The following KCNJ3 variants were observed in gnomAD, a reference collection of about 807,000 sequenced individuals.
KCNJ3 encodes the protein G protein-activated inward rectifier potassium channel 1.
KCNJ3 carries 4 observed loss-of-function variants against 39.2 expected under a neutral mutation model. That is an observed-to-expected ratio of 0.10 (90% confidence interval 0.05 to 0.23). KCNJ3 has a LOEUF of 0.23. Ranked by LOEUF, KCNJ3 falls within the 10% of genes least tolerant of loss-of-function variation. KCNJ3 has a pLI of 1.00. For synonymous variants in KCNJ3, 230 were observed against 237.4 expected, an observed-to-expected ratio of 0.97 and a Z score of 0.29; for missense variants, 276 against 634.9, an observed-to-expected ratio of 0.43 and a Z score of 6.08.
chr2:154,764,602 G>A (rs575814449), intron 2 of KCNJ3, among the ~76,000 whole-genome samples: 30 of 152,062 alleles, frequency 2.0e-4, no homozygotes, highest in African/African-American at 7.0e-4. Flanking sequence ...TTCTACAGCC[G>A]GTGGTGTCCA....
chr2:154,829,207 GCA>G (rs1687321497), intron 2 of KCNJ3, among the ~76,000 whole-genome samples: 1 of 152,170 alleles, frequency 6.6e-6, no homozygotes, highest in East Asian at 1.9e-4. Flanking sequence ...GGGGTTTAGT[GCA>G]CAGATTATTT....
At chr2:154,842,551 C>T (rs1011229095) in intron 2 of KCNJ3, among the ~76,000 whole-genome samples, 24 of 152,104 alleles carry the variant, frequency 1.6e-4, no homozygotes, top group Non-Finnish European at 2.9e-5. Flanking sequence ...GTTAAAGTCT[C>T]CCATTATTAT....
chr2:154,731,171 A>G (rs1685443152), intron 2 of KCNJ3, among the ~76,000 whole-genome samples: 2 of 152,120 alleles, frequency 1.3e-5, no homozygotes, highest in Non-Finnish European at 2.9e-5. Flanking sequence ...AAAGGCTTGA[A>G]GGAGTGATAC....
At chr2:154,801,505 T>C (rs115900017) in intron 2 of KCNJ3, among the ~76,000 whole-genome samples, 7 of 96,398 alleles carry the variant, frequency 7.3e-5, no homozygotes, top group Admixed American at 3.1e-4. Flanking sequence ...CTTTTCTTTT[T>C]TCTTTTCTTT....
At chr2:154,824,200 T>C (rs899600023) in intron 2 of KCNJ3, among the ~76,000 whole-genome samples, 4 of 152,050 alleles carry the variant, frequency 2.6e-5, no homozygotes, top group African/African-American at 9.7e-5. Flanking sequence ...CCGGGCATAG[T>C]GGCATACACC....
chr2:154,778,185 T>G (rs1033833497), intron 2 of KCNJ3, among the ~76,000 whole-genome samples: 1 of 152,182 alleles, frequency 6.6e-6, no homozygotes, highest in African/African-American at 2.4e-5. Context: ...TTTCTTCAGT[T>G]TTTATGACCA....
chr2:154,718,005 C>G (rs1216797610), intron 2 of KCNJ3, among the ~76,000 whole-genome samples: 1 of 152,138 alleles, frequency 6.6e-6, no homozygotes, highest in Non-Finnish European at 1.5e-5. Flanking sequence ...ATATCTAAGT[C>G]AGGGGTATCA....
chr2:154,719,650 T>C (rs1685234963), intron 2 of KCNJ3, among the ~76,000 whole-genome samples: 1 of 152,118 alleles, frequency 6.6e-6, no homozygotes, highest in Non-Finnish European at 1.5e-5. Flanking sequence ...TATTTACTGT[T>C]TCATGGGAGA....
intron 2 of KCNJ3, among the ~76,000 whole-genome samples, chr2:154,843,808 C>A (rs1349117197): frequency 1.3e-5 from 2 of 152,186 alleles, no homozygotes; most frequent in Non-Finnish European, 2.9e-5. Context: ...AAGGTCTTCT[C>A]CACACTGTTT....
At chr2:154,766,538 T>C (rs1248187279) in intron 2 of KCNJ3, among the ~76,000 whole-genome samples, 1 of 151,602 alleles carries the variant, frequency 6.6e-6, no homozygotes, top group Admixed American at 6.6e-5. Context: ...TTATATATTA[T>C]TTATTTGTTT....
intron 1 of KCNJ3, among the ~76,000 whole-genome samples, chr2:154,705,517 T>G (rs1684993388): frequency 6.6e-6 from 1 of 152,150 alleles, no homozygotes; most frequent in African/African-American, 2.4e-5. Context: ...TAGGCCTCTT[T>G]TGGGGCTCTA....
chr2:154,710,003 T>C (rs1382326011), intron 2 of KCNJ3, among the ~76,000 whole-genome samples, 184 bp downstream of exon 2: 1 of 152,176 alleles, frequency 6.6e-6, no homozygotes. Context: ...TGTACTGTTT[T>C]GATGGTTACA....
At chr2:154,842,526 T>A (rs770439133) in intron 2 of KCNJ3, among the ~76,000 whole-genome samples, 5 of 152,220 alleles carry the variant, frequency 3.3e-5, no homozygotes, top group Non-Finnish European at 5.9e-5. Context: ...ATCTGTCTAA[T>A]GTTGACAGTG....
intron 2 of KCNJ3, among the ~76,000 whole-genome samples, chr2:154,817,129 C>G (rs540119922): frequency 3.6e-4 from 54 of 152,004 alleles, no homozygotes; most frequent in Non-Finnish European, 1.5e-5. Flanking sequence ...CCTTTTCTTC[C>G]CCCTGATAAT....
At chr2:154,721,635 G>T (rs911568713) in intron 2 of KCNJ3, among the ~76,000 whole-genome samples, 2 of 151,826 alleles carry the variant, frequency 1.3e-5, no homozygotes, top group Non-Finnish European at 2.9e-5. Flanking sequence ...AATATTATTG[G>T]AACCAGAAAA....
At chr2:154,771,167 A>G (rs924934708) in intron 2 of KCNJ3, among the ~76,000 whole-genome samples, 6 of 152,108 alleles carry the variant, frequency 3.9e-5, no homozygotes, top group African/African-American at 1.2e-4. Flanking sequence ...CTGAGATTAC[A>G]GGTGTGAGCC....
intron 2 of KCNJ3, among the ~76,000 whole-genome samples, chr2:154,834,448 T>C (rs1000826214): frequency 2.0e-5 from 3 of 152,084 alleles, no homozygotes; most frequent in Admixed American, 1.3e-4. Context: ...ATAAATCAGT[T>C]AGGCCGGGCA....
intron 2 of KCNJ3, among the ~76,000 whole-genome samples, chr2:154,799,715 T>C (rs1388719495): frequency 6.6e-6 from 1 of 152,178 alleles, no homozygotes; most frequent in East Asian, 1.9e-4. Flanking sequence ...TGCTGTTTCC[T>C]CCTGTGTGTG....
chr2:154,762,046 G>A (rs1354927766), intron 2 of KCNJ3, among the ~76,000 whole-genome samples: 1 of 152,202 alleles, frequency 6.6e-6, no homozygotes, highest in East Asian at 1.9e-4. Flanking sequence ...GTCAAGGAAT[G>A]TGGGTAACCT....
Sources: gnomAD v4.1 joint callset for allele counts (sites outside exome capture counted in the v4.1 genomes callset) on GRCh38, gnomAD v4.1.1 for gene constraint, MANE v1.5 for transcripts, NCBI Gene and HGNC (gene_info 2026-07-23, HGNC 2026-07-21) for gene names.